SCAF8: variants seen among roughly 807,000 people sequenced by gnomAD.
SCAF8 encodes SR-related and CTD-associated factor 8.
Under a neutral mutation model 140.5 loss-of-function variants are expected in SCAF8, and 23 were observed. The observed-to-expected ratio is 0.16, with a 90% CI of 0.12 to 0.23. The LOEUF (loss-of-function observed/expected upper bound fraction) is 0.23. Among genes scored for constraint, SCAF8 ranks in the 10% least tolerant of loss-of-function variants. The pLI is 1.00. For synonymous variants in SCAF8, 575 were observed against 528.9 expected (o/e 1.09, Z -1.20); for missense variants, 1,397 against 1,555.7 (o/e 0.90, Z 1.72).
At chr6:154,788,629 C>G (rs1777323492) in intron 4 of SCAF8, among the ~76,000 whole-genome samples, 1 of 152,132 alleles carries the variant, frequency 6.6e-6, no homozygotes, top group African/African-American at 2.4e-5. Context: ...AACTTATTCA[C>G]ACACACAGTC....
At chr6:154,831,490 AACTT>A (rs916658559) in intron 19 of SCAF8, among the ~76,000 whole-genome samples, 2 of 152,004 alleles carry the variant, frequency 1.3e-5, no homozygotes, top group African/African-American at 2.4e-5. Context: ...TTCTATCGGG[AACTT>A]ACTTCTAATA....
At chr6:154,770,386 A>ACACACACACT (rs1776706039) in intron 1 of SCAF8, among the ~76,000 whole-genome samples, 1 of 133,426 alleles carries the variant, frequency 7.5e-6, no homozygotes, top group African/African-American at 3.1e-5. Flanking sequence ...ACACACACAC[A>ACACACACACT]CACTCTCTCT....
chr6:154,824,426 T>A (rs1778505541), intron 17 of SCAF8, 48 bp downstream of exon 17: 1 of 1,515,906 alleles, frequency 6.6e-7, no homozygotes, highest in Non-Finnish European at 9.1e-7. Flanking sequence ...GATTATCATT[T>A]AAGTTGTGTT....
intron 9 of SCAF8, among the ~76,000 whole-genome samples, chr6:154,807,483 C>G (rs1777957010): frequency 6.6e-6 from 1 of 152,176 alleles, no homozygotes; most frequent in Admixed American, 6.5e-5. Context: ...CAGGTTCAAG[C>G]AGTTCTCTGC....
At position 154,824,258 on chromosome 6, in the gene SCAF8, A is replaced by G; in HGVS notation, c.1951A>G (p.Thr651Ala). ...LQIPVAPAVPTVSLVPPAFPV... is the reference protein window; with the variant it reads ...LQIPVAPAVPAVSLVPPAFPV... ...GATTCCAGTGGCGCCAGCCGTGCCT[A>G]CAGTTAGTTTAGTCCCACCAGCATT... The change falls in exon 17 of 20, where the codon ACA (threonine) becomes GCA (alanine). Residue 651 changes from threonine to alanine, a missense_variant. Physicochemically the swap from Thr to Ala is moderately conservative, Grantham distance 58. This residue lies in a region of SCAF8 where 930 missense variants were observed against 874.6 expected (regional missense o/e 1.06). Transcript: ENST00000367178. 1 of 1,613,964 alleles carries G rather than the reference A, an allele frequency of 6.2e-7. No individual in the cohort carries two copies. The highest frequency in any genetic ancestry group is 8.5e-7 in the Non-Finnish European group (1 of 1,179,862).
At chr6:154,818,941 C>T (rs1002907080) in intron 14 of SCAF8, among the ~76,000 whole-genome samples, 31 of 152,120 alleles carry the variant, frequency 2.0e-4, no homozygotes, top group Non-Finnish European at 4.0e-4. Context: ...TTCACTTTTC[C>T]TCCCAGTACT....
intron 15 of SCAF8, among the ~76,000 whole-genome samples, chr6:154,821,803 C>G (rs1296364884): frequency 6.6e-6 from 1 of 152,190 alleles, no homozygotes; most frequent in Middle Eastern, 3.2e-3. Flanking sequence ...ATTTGTCTTA[C>G]TTGATCTTTA....
chr6:154,799,337 T>C (rs1777701420), intron 6 of SCAF8, among the ~76,000 whole-genome samples: 1 of 151,350 alleles, frequency 6.6e-6, no homozygotes, highest in African/African-American at 2.4e-5. Flanking sequence ...GGTCTCAGAC[T>C]CCTGGCCTCA....
rs1777542055 is a variant in SCAF8 at position 154,794,777 on chromosome 6, GGGGGTGT to G, written c.476-230_476-224del. Among the ~76,000 whole-genome samples the G allele has an allele frequency of 1.1e-4, 6 of 54,608 alleles. 1 individual carries two copies. The highest frequency in any genetic ancestry group is 3.2e-4 in the Admixed American group (2 of 6,326). 35.8% of individuals were successfully genotyped at this position (54,608 alleles called of 152,430 possible). A position where few individuals can be genotyped will look rare whatever the true frequency, so the allele number is the denominator to read the frequency against. The stretch of plus-strand genomic sequence containing the variant: ...CTTTTGGTGGGGGGGGGGGGGTGTG[GGGGGTGT>G]GTGTGTGTGTGTGTGTGTGTGTGTG... On this transcript the variant is annotated intron_variant, in intron 5 of 19. Coordinates refer to ENST00000367178, the MANE Select transcript of SCAF8 (RefSeq NM_014892.5).
chr6:154,832,170 A>C lies in SCAF8; in HGVS notation c.2591A>C (p.Asn864Thr), dbSNP rs762751110. ...ILGIQPPSVS[N>T]SSGLLGVLPP... ...GGAATACAGCCACCCAGTGTGTCAA[A>C]TAGTTCTGGACTTTTGGGAGTGCTA... Residue 864 changes from asparagine to threonine, a missense_variant, in exon 20 of 20, where the codon AAT becomes ACT. Transcript: ENST00000367178. 6 of 1,614,046 alleles carry C rather than the reference A, an allele frequency of 3.7e-6. No homozygotes were observed. In the South Asian group the frequency reaches 5.5e-5, roughly 15 times the overall value.
chr6:154,791,309 T>TAA (rs1777412408), intron 4 of SCAF8, among the ~76,000 whole-genome samples: 1 of 152,222 alleles, frequency 6.6e-6, no homozygotes, highest in African/African-American at 2.4e-5. Flanking sequence ...AAGTCACTAA[T>TAA]AACTAGTCTT....
intron 1 of SCAF8, among the ~76,000 whole-genome samples, chr6:154,753,300 T>C (rs1416033768): frequency 1.3e-5 from 2 of 152,122 alleles, no homozygotes; most frequent in African/African-American, 2.4e-5. Flanking sequence ...ACCCCATCTC[T>C]ACTAAAAAAT....
intron 4 of SCAF8, among the ~76,000 whole-genome samples, chr6:154,792,335 T>C (rs1022628623): frequency 2.6e-5 from 4 of 152,232 alleles, no homozygotes; most frequent in African/African-American, 9.6e-5. Flanking sequence ...GGAAATGCCC[T>C]CTCCTCAAGT....
chr6:154,786,396 C>T (rs1777260571), intron 3 of SCAF8, among the ~76,000 whole-genome samples: 1 of 152,228 alleles, frequency 6.6e-6, no homozygotes, highest in Non-Finnish European at 1.5e-5. Flanking sequence ...ATGTTATACT[C>T]AGGAGCAATT....
intron 1 of SCAF8, among the ~76,000 whole-genome samples, chr6:154,746,127 C>T (rs1016901006): frequency 6.6e-6 from 1 of 152,174 alleles, no homozygotes; most frequent in Non-Finnish European, 1.5e-5. Context: ...CTCAAGTGAT[C>T]CATCTGCCTT....
At chr6:154,825,905 T>A (rs1370310598) in intron 17 of SCAF8, among the ~76,000 whole-genome samples, 1 of 152,130 alleles carries the variant, frequency 6.6e-6, no homozygotes, top group Non-Finnish European at 1.5e-5. Context: ...AAACTCTAAT[T>A]CAAGAATTTT....
chr6:154,745,343 A>T (rs563912867), intron 1 of SCAF8, among the ~76,000 whole-genome samples: 3 of 152,352 alleles, frequency 2.0e-5, no homozygotes, highest in African/African-American at 7.2e-5. Flanking sequence ...TTGTCCACAT[A>T]TTCCATTAAT....
intron 7 of SCAF8, 29 bp from the exon 8 acceptor site, chr6:154,803,515 A>G (rs756711562): frequency 2.0e-6 from 3 of 1,526,848 alleles, no homozygotes; most frequent in East Asian, 4.5e-5. Context: ...GCACTTTTTA[A>G]TATGTCTGTT....
chr6:154,827,467 C>T (rs545930885), intron 18 of SCAF8, among the ~76,000 whole-genome samples: 9 of 152,196 alleles, frequency 5.9e-5, no homozygotes, highest in African/African-American at 2.2e-4. Context: ...CAGAGAAGGT[C>T]CTCTCATCCT....
Sources: gnomAD v4.1 joint callset for allele counts (sites outside exome capture counted in the v4.1 genomes callset) on GRCh38, gnomAD v4.1.1 for gene constraint, gnomAD v4.1.1 regional missense constraint, MANE v1.5 for transcripts, NCBI Gene and HGNC (gene_info 2026-07-23, HGNC 2026-07-21) for gene names.